The following AP3B1 variants were observed in gnomAD, a reference collection of about 807,000 sequenced individuals.
The protein encoded by AP3B1 is AP-3 complex subunit beta-1.
In AP3B1, 61 loss-of-function variants were observed where a neutral mutation model predicts 132.5. The observed-to-expected ratio is 0.46, with a 90% CI of 0.37 to 0.57. The LOEUF (loss-of-function observed/expected upper bound fraction) is 0.57. Ranked by LOEUF, AP3B1 falls within the 20% of genes least tolerant of loss-of-function variation. AP3B1 has a pLI of 0.00. For missense variants in AP3B1, 1,120 were observed against 1,289.4 expected (o/e 0.87, Z 2.01); for synonymous variants, 388 against 438.3 (o/e 0.89, Z 1.43).
intron 15 of AP3B1, among the ~76,000 whole-genome samples, chr5:78,134,701 C>T (rs1752835966): frequency 6.6e-6 from 1 of 152,074 alleles, no homozygotes; most frequent in African/African-American, 2.4e-5. Context: ...CCACCACACC[C>T]GGCTAATTTT....
At chr5:78,262,468 A>G (rs532894059) in intron 2 of AP3B1, among the ~76,000 whole-genome samples, 2 of 152,302 alleles carry the variant, frequency 1.3e-5, no homozygotes, top group East Asian at 3.9e-4. Context: ...TTTCCCCAAC[A>G]TTATTTGTTG....
At chr5:78,213,446 T>C (rs909333514) in intron 7 of AP3B1, among the ~76,000 whole-genome samples, 18 of 152,196 alleles carry the variant, frequency 1.2e-4, no homozygotes, top group Non-Finnish European at 2.1e-4. Flanking sequence ...GTCTAACATA[T>C]TGTACAATCC....
At position 78,039,045 on chromosome 5, in the gene AP3B1, A is replaced by G. The variant is rs758088280; in HGVS notation, c.2807T>C (p.Ile936Thr). The part of the protein sequence containing the change: ...IGMKMHVFNP[I>T]DSLEPEGSIT... ...TTTAAATGAGAATTAATATTTACCT[A>G]TTGGATTAAAAACATGCATTTTCAT... Residue 936 changes from isoleucine to threonine, a missense_variant and splice_region_variant, in exon 23 of 27, where the codon ATA becomes ACA. Around this residue, in one of 3 missense-constraint regions of AP3B1, gnomAD observed 906 missense variants for 997.1 expected, o/e 0.91. Transcript: ENST00000255194. 4 of 1,531,042 alleles carry G rather than the reference A, an allele frequency of 2.6e-6. No individual in the cohort carries two copies. Among genetic ancestry groups the G allele is most frequent in the South Asian group, 1.1e-5 (1 of 88,460 alleles). The allele number at this position is 1,531,042 out of a possible 1,614,324, so 94.8% of individuals were successfully genotyped here.
intron 24 of AP3B1, among the ~76,000 whole-genome samples, chr5:78,025,292 G>A (rs1443301483): frequency 1.3e-5 from 2 of 152,132 alleles, no homozygotes; most frequent in East Asian, 1.9e-4. Context: ...CAGCAATGAT[G>A]CCAAGGGAGA....
chr5:78,015,620 A>C, intron 25 of AP3B1, 72 bp from the exon 26 acceptor site: 903 of 1,526,494 alleles, frequency 5.9e-4, no homozygotes, highest in Non-Finnish European at 7.3e-4. Flanking sequence ...TTTTAAGCTC[A>C]TGGCCAAAAT....
chr5:78,019,060 A>C (rs1746982403), intron 25 of AP3B1, among the ~76,000 whole-genome samples: 1 of 152,146 alleles, frequency 6.6e-6, no homozygotes, highest in African/African-American at 2.4e-5. Flanking sequence ...TACTTCATAT[A>C]AACAAATTTT....
At chr5:78,061,462 T>A (rs1226333424) in intron 22 of AP3B1, among the ~76,000 whole-genome samples, 2 of 152,194 alleles carry the variant, frequency 1.3e-5, no homozygotes, top group Non-Finnish European at 2.9e-5. Flanking sequence ...CGACACACAT[T>A]AAGTATGGCA....
chr5:78,291,201 T>C (rs548830421), intron 1 of AP3B1, among the ~76,000 whole-genome samples: 95 of 151,608 alleles, frequency 6.3e-4, no homozygotes, highest in African/African-American at 2.3e-3. Context: ...CTAGGCATCA[T>C]TGAGATGGTT....
chr5:78,036,673 C>T (rs537994086), intron 23 of AP3B1, among the ~76,000 whole-genome samples: 236 of 151,970 alleles, frequency 1.6e-3, no homozygotes, highest in African/African-American at 5.6e-3. Context: ...AGTTTCATGC[C>T]AAACACAGAG....
chr5:78,265,818 C>T (rs1721042189), intron 2 of AP3B1, among the ~76,000 whole-genome samples: 1 of 152,200 alleles, frequency 6.6e-6, no homozygotes, highest in African/African-American at 2.4e-5. Context: ...AGTTCCACAG[C>T]CAGCTACTTC....
intron 11 of AP3B1, 105 bp from the exon 12 acceptor site, chr5:78,165,777 T>C: frequency 1.1e-6 from 1 of 889,982 alleles, no homozygotes; most frequent in Non-Finnish European, 1.8e-6. Flanking sequence ...CTTTTAAAAA[T>C]CACATTGTCA....
chr5:78,116,056 G>A (rs1398080203), intron 18 of AP3B1, 70 bp downstream of exon 18: 4 of 1,109,388 alleles, frequency 3.6e-6, no homozygotes, highest in Non-Finnish European at 5.5e-6. Flanking sequence ...TATGGATTAG[G>A]CCTTGTTTCT....
intron 13 of AP3B1, 24 bp from the exon 14 acceptor site, chr5:78,156,391 T>C (rs1428246214): frequency 1.5e-5 from 22 of 1,466,668 alleles, no homozygotes; most frequent in Middle Eastern, 1.7e-4. Flanking sequence ...AAATTATTCA[T>C]ACTAAATATG....
chr5:78,214,797 T>C (rs1745887672), intron 7 of AP3B1, among the ~76,000 whole-genome samples: 1 of 152,178 alleles, frequency 6.6e-6, no homozygotes, highest in South Asian at 2.1e-4. Flanking sequence ...ATTAACTTTA[T>C]AAAATTAAAG....
rs572327781 is a variant in AP3B1, at chr5:78,123,179, C to T, written c.1968+4851G>A. On this transcript the variant is annotated intron_variant, in intron 17 of 26. Coordinates refer to ENST00000255194, the MANE Select transcript of AP3B1 (RefSeq NM_003664.5). ...CTGAAACTGGATCCCTTCCTTACAC[C>T]TTATACAAAAATTAATTCAAGATGG... 6.4e-4 allele frequency among the ~76,000 whole-genome samples: 98 copies of T among 152,296 alleles called. 2 individuals are homozygous for T. The South Asian group carries it at 0.02, about 31-fold the overall frequency.
At chr5:78,228,006 T>C (rs1746470141) in intron 4 of AP3B1, 138 bp downstream of exon 4, 1 of 561,096 alleles carries the variant, frequency 1.8e-6, no homozygotes, top group Non-Finnish European at 3.1e-6. Flanking sequence ...GTGTACTGAG[T>C]AGGCACTATA....
intron 7 of AP3B1, among the ~76,000 whole-genome samples, chr5:78,208,529 C>G (rs938071558): frequency 2.0e-5 from 3 of 152,078 alleles, no homozygotes; most frequent in African/African-American, 4.8e-5. Flanking sequence ...ATAAGTCTGT[C>G]AGAAAAACAA....
Position 78,227,446 on chromosome 5 carries a change from A to C in AP3B1, c.462T>G (p.Ala154=). 1 of 1,613,770 alleles carries C rather than the reference A, an allele frequency of 6.2e-7. No individual in the cohort carries two copies. Among genetic ancestry groups the C allele is most frequent in the Non-Finnish European group, 8.5e-7 (1 of 1,179,772 alleles). Reference sequence around the variant, plus strand: ...ATAAGTCAGCAGAAGCTTCCTTAATAGCAAGCATCATGATAGGTACAATAA... The same window carrying C: ...ATAAGTCAGCAGAAGCTTCCTTAATCGCAAGCATCATGATAGGTACAATAA... ...VPIIVPIMML[A]IKEASADLSP... is the part of the protein sequence containing the mutation. The change falls in exon 5 of 27, where the codon GCT becomes GCG. Residue 154 remains alanine (A), a synonymous_variant. Coordinates refer to ENST00000255194, the MANE Select transcript of AP3B1 (RefSeq NM_003664.5).
intron 2 of AP3B1, 152 bp downstream of exon 2, chr5:78,267,368 T>C (rs1333176080): frequency 1.1e-5 from 4 of 354,754 alleles, no homozygotes; most frequent in African/African-American, 8.5e-5. Context: ...TACTTTTTTC[T>C]TTAACATTTT....
Sources: allele counts gnomAD v4.1 joint callset (sites outside exome capture counted in the v4.1 genomes callset), GRCh38; gene constraint gnomAD v4.1.1; regional missense constraint gnomAD v4.1.1; transcripts MANE v1.5; gene names NCBI Gene and HGNC (gene_info 2026-07-23, HGNC 2026-07-21).